The following LOC400499 variants were observed in gnomAD, a reference collection of about 807,000 sequenced individuals.
At chr16:11,511,889 T>C in the LOC400499 span, among the ~76,000 whole-genome samples, 1 of 151,860 alleles carries the variant, frequency 6.6e-6, no homozygotes, top group Non-Finnish European at 1.5e-5. Flanking sequence ...TAGCCAGGCA[T>C]GGTGGCGCAC....
chr16:11,466,235 TG>T, the LOC400499 span, among the ~76,000 whole-genome samples: 2 of 151,438 alleles, frequency 1.3e-5, no homozygotes, highest in South Asian at 4.2e-4. Flanking sequence ...TCAGGAGGGG[TG>T]GGAGAGAGGT....
chr16:11,423,130 G>A, the LOC400499 span: 4 of 399,248 alleles, frequency 1.0e-5, no homozygotes, highest in African/African-American at 2.1e-5. Flanking sequence ...CCCGCTGGAG[G>A]GGCCCACTAT....
At chr16:11,402,491 C>A in the LOC400499 span, among the ~76,000 whole-genome samples, 1 of 152,290 alleles carries the variant, frequency 6.6e-6, no homozygotes, top group Non-Finnish European at 1.5e-5. Context: ...TGACCGAGTG[C>A]CAGTTCTAAG....
chr16:11,401,915 G>A, the LOC400499 span: 1 of 398,122 alleles, frequency 2.5e-6, no homozygotes. Context: ...TTGGGGATGT[G>A]GTACAGCCTC....
chr16:11,438,529 G>C, the LOC400499 span, among the ~76,000 whole-genome samples: 4 of 151,064 alleles, frequency 2.6e-5, no homozygotes, highest in African/African-American at 9.8e-5. Flanking sequence ...CCAGCACCTT[G>C]GGAGGCCAAG....
At chr16:11,439,576 C>G in the LOC400499 span, 1 of 398,998 alleles carries the variant, frequency 2.5e-6, no homozygotes, top group Non-Finnish European at 4.4e-6. Flanking sequence ...TCAGCTGGAC[C>G]GAGGCCTGTT....
the LOC400499 span, among the ~76,000 whole-genome samples, chr16:11,412,308 G>A: frequency 6.6e-6 from 1 of 152,190 alleles, no homozygotes. Flanking sequence ...AAGATGCTTA[G>A]CAGCATCCGT....
the LOC400499 span, among the ~76,000 whole-genome samples, chr16:11,525,062 T>C: frequency 6.6e-6 from 1 of 152,114 alleles, no homozygotes; most frequent in Non-Finnish European, 1.5e-5. Context: ...AGGTGGGTGA[T>C]GGCTTGAGCT....
At chr16:11,521,342 C>T in the LOC400499 span, among the ~76,000 whole-genome samples, 1 of 152,132 alleles carries the variant, frequency 6.6e-6, no homozygotes, top group South Asian at 2.1e-4. Flanking sequence ...GAGACAGAGG[C>T]AAATGAGCAA....
chr16:11,486,094 G>C, the LOC400499 span, among the ~76,000 whole-genome samples: 1 of 148,990 alleles, frequency 6.7e-6, no homozygotes, highest in Non-Finnish European at 1.5e-5. Flanking sequence ...ATGGATGGAC[G>C]GATAGATGGA....
chr16:11,384,250 G>A, the LOC400499 span: 2 of 1,232,180 alleles, frequency 1.6e-6, no homozygotes, highest in Non-Finnish European at 1.0e-6. Flanking sequence ...CAGGCTGCGG[G>A]CCATAGAGCC....
the LOC400499 span, among the ~76,000 whole-genome samples, chr16:11,505,445 C>CTTTTTTTTT: frequency 5.6e-5 from 4 of 71,956 alleles, no homozygotes; most frequent in Non-Finnish European, 9.8e-5. Context: ...TTTTTCTTTT[C>CTTTTTTTTT]TTTTTTTTTT....
chr16:11,445,623 C>T, the LOC400499 span, among the ~76,000 whole-genome samples: 2 of 151,848 alleles, frequency 1.3e-5, no homozygotes, highest in Non-Finnish European at 2.9e-5. Flanking sequence ...AAGAGCCAGG[C>T]GAGGAAATGC....
At chr16:11,384,087 T>A in the LOC400499 span, 1 of 1,230,182 alleles carries the variant, frequency 8.1e-7, no homozygotes, top group Non-Finnish European at 1.0e-6. Context: ...AGCAGGAGAC[T>A]TCCCCCAAAC....
the LOC400499 span, among the ~76,000 whole-genome samples, chr16:11,438,166 G>A: frequency 6.6e-6 from 1 of 152,204 alleles, no homozygotes; most frequent in Non-Finnish European, 1.5e-5. Flanking sequence ...GTTTAGAACA[G>A]AGCCTGCCAC....
the LOC400499 span, among the ~76,000 whole-genome samples, chr16:11,519,280 T>C: frequency 2.0e-5 from 3 of 152,198 alleles, no homozygotes; most frequent in African/African-American, 7.2e-5. Context: ...ATATGTTACA[T>C]TGTAGAGCAG....
the LOC400499 span, chr16:11,446,836 C>T: frequency 1.5e-5 from 23 of 1,535,952 alleles, no homozygotes; most frequent in Admixed American, 5.9e-5. Context: ...CAGGGAATAG[C>T]GCTGGTGTCG....
At chr16:11,376,364 T>TC in the LOC400499 span, among the ~76,000 whole-genome samples, 16 of 124,570 alleles carry the variant, frequency 1.3e-4, no homozygotes, top group South Asian at 2.5e-3. Context: ...TTTTTTTTTT[T>TC]TCCCAACATG....
At chr16:11,390,156 G>T in the LOC400499 span, 1 of 1,232,374 alleles carries the variant, frequency 8.1e-7, no homozygotes, top group Non-Finnish European at 1.0e-6. Flanking sequence ...CCTCTTCAGT[G>T]CCCGTGAGAA....
Sources: allele counts gnomAD v4.1 joint callset (sites outside exome capture counted in the v4.1 genomes callset), GRCh38; gene constraint gnomAD v4.1.1; transcripts MANE v1.5.